ADGRL3: variants seen among roughly 807,000 people sequenced by gnomAD.
ADGRL3 encodes adhesion G protein-coupled receptor L3, also known as calcium-independent alpha-latrotoxin receptor 3.
ADGRL3 carries 62 observed loss-of-function variants against 153.5 expected under a neutral mutation model. The ratio of observed to expected loss-of-function variants is 0.40; its 90% CI spans 0.33 to 0.50. The LOEUF (loss-of-function observed/expected upper bound fraction) is 0.50, where lower values mean the gene tolerates loss of function less well. Among genes scored for constraint, ADGRL3 ranks in the 20% least tolerant of loss-of-function variants. ADGRL3 has a pLI of 0.47. For missense variants in ADGRL3, 1,641 were observed against 1,859.4 expected (o/e 0.88, Z 2.16); for synonymous variants, 710 against 672.5 (o/e 1.06, Z -0.86).
chr4:61,909,055 A>G (rs1581413674), intron 11 of ADGRL3, among the ~76,000 whole-genome samples: 2 of 152,318 alleles, frequency 1.3e-5, no homozygotes, highest in East Asian at 3.9e-4. Context: ...TTCCTTATAC[A>G]GTTAGTAAGA....
chr4:61,754,144 A>C (rs1214803973), intron 8 of ADGRL3, among the ~76,000 whole-genome samples: 1 of 152,160 alleles, frequency 6.6e-6, no homozygotes, highest in African/African-American at 2.4e-5. Context: ...GTTCCTTAAA[A>C]CTTTCTAGTC....
At chr4:61,440,535 C>T (rs963673950) in intron 2 of ADGRL3, among the ~76,000 whole-genome samples, 3 of 152,188 alleles carry the variant, frequency 2.0e-5, no homozygotes, top group Admixed American at 2.0e-4. Flanking sequence ...TCTCAGACTT[C>T]TCAGCCATGT....
intron 8 of ADGRL3, among the ~76,000 whole-genome samples, chr4:61,769,519 C>T (rs1193193709): frequency 1.1e-4 from 16 of 152,060 alleles, no homozygotes; most frequent in East Asian, 3.9e-4. Context: ...GGAGGTCCCC[C>T]GATCCGAGTC....
chr4:61,755,611 C>G (rs982380885), intron 8 of ADGRL3, among the ~76,000 whole-genome samples: 24 of 152,248 alleles, frequency 1.6e-4, no homozygotes, highest in African/African-American at 5.3e-4. Context: ...TGTGCAGAAG[C>G]TCTTTAGTTT....
In ADGRL3 at chr4:62,018,500, A is replaced by G. The variant is rs80165765; in HGVS notation, c.3396-10355A>G. Among the ~76,000 whole-genome samples the G allele has an allele frequency of 3.3e-5, 5 of 152,244 alleles. No homozygotes were observed. In the East Asian group the frequency reaches 9.7e-4, roughly 30 times the overall value. Reference sequence around the variant, plus strand: ...TGGTGATTGCAATCACTCAATTATTAATGAAAGTCTGTGCAAGACAAGACC... The same window carrying G: ...TGGTGATTGCAATCACTCAATTATTGATGAAAGTCTGTGCAAGACAAGACC... On this transcript the variant is annotated intron_variant, in intron 21 of 26. Coordinates refer to ENST00000683033, the MANE Select transcript of ADGRL3 (RefSeq NM_001387552.1).
intron 1 of ADGRL3, among the ~76,000 whole-genome samples, chr4:61,263,479 T>A (rs999039422): frequency 4.0e-5 from 6 of 149,254 alleles, no homozygotes; most frequent in African/African-American, 1.5e-4. Context: ...AAAAAGACCC[T>A]GAAAAAGTCT....
intron 2 of ADGRL3, among the ~76,000 whole-genome samples, chr4:61,491,917 C>G (rs2098262116): frequency 6.6e-6 from 1 of 152,040 alleles, no homozygotes; most frequent in South Asian, 2.1e-4. Flanking sequence ...AGTCCAAATA[C>G]TAACCCTGGA....
At chr4:61,528,793 G>T (rs374189504) in intron 4 of ADGRL3, among the ~76,000 whole-genome samples, 1 of 152,072 alleles carries the variant, frequency 6.6e-6, no homozygotes, top group South Asian at 2.1e-4. Flanking sequence ...ACTTTCTGTC[G>T]CATCAGCTAT....
chr4:61,890,331 TA>T (rs1252708146), intron 9 of ADGRL3, among the ~76,000 whole-genome samples: 6 of 152,244 alleles, frequency 3.9e-5, no homozygotes, highest in Admixed American at 3.3e-4. Context: ...ACTATTGCCT[TA>T]CTACTTCCCT....
chr4:61,283,224 C>T (rs2093794131), intron 1 of ADGRL3, among the ~76,000 whole-genome samples: 1 of 151,998 alleles, frequency 6.6e-6, no homozygotes, highest in Non-Finnish European at 1.5e-5. Flanking sequence ...AAAAGTATTC[C>T]TCTCTGTTCC....
chr4:61,624,213 G>A (rs1466510112), intron 5 of ADGRL3, among the ~76,000 whole-genome samples: 2 of 152,054 alleles, frequency 1.3e-5, no homozygotes, highest in Non-Finnish European at 2.9e-5. Flanking sequence ...AAATAAAATC[G>A]ATTTGCATTT....
chr4:61,945,559 C>A (rs1435965463), intron 15 of ADGRL3, among the ~76,000 whole-genome samples: 1 of 135,526 alleles, frequency 7.4e-6, no homozygotes, highest in Non-Finnish European at 1.6e-5. Context: ...GCAGTTTGAT[C>A]TCAGACTGCT....
chr4:61,377,133 C>T (rs2096613004), intron 1 of ADGRL3, among the ~76,000 whole-genome samples: 1 of 152,000 alleles, frequency 6.6e-6, no homozygotes, highest in African/African-American at 2.4e-5. Context: ...TTTACCTTCC[C>T]TATCATATCC....
chr4:61,629,721 C>CAAAAA (rs59504485), intron 5 of ADGRL3, among the ~76,000 whole-genome samples: 2 of 33,446 alleles, frequency 6.0e-5, no homozygotes, highest in African/African-American at 1.3e-4. Flanking sequence ...CGTCTCGGGG[C>CAAAAA]AAAAAAAAAA....
intron 5 of ADGRL3, among the ~76,000 whole-genome samples, chr4:61,647,057 C>T (rs1212930298): frequency 6.6e-6 from 1 of 152,152 alleles, no homozygotes; most frequent in Non-Finnish European, 1.5e-5. Flanking sequence ...CGTCCATCAC[C>T]CCTTTCTTTG....
chr4:61,450,481 G>T (rs1390079631), intron 2 of ADGRL3, among the ~76,000 whole-genome samples: 1 of 151,948 alleles, frequency 6.6e-6, no homozygotes, highest in East Asian at 1.9e-4. Flanking sequence ...TTTTTTCCAG[G>T]CCTGCAATCT....
At chr4:61,259,108 T>G (rs1386678624) in intron 1 of ADGRL3, among the ~76,000 whole-genome samples, 1 of 152,094 alleles carries the variant, frequency 6.6e-6, no homozygotes, top group Non-Finnish European at 1.5e-5. Context: ...CATCTTCCCA[T>G]TGTCACCATA....
At chr4:61,947,489 A>G (rs1338934906) in intron 16 of ADGRL3, among the ~76,000 whole-genome samples, 1 of 152,204 alleles carries the variant, frequency 6.6e-6, no homozygotes, top group Non-Finnish European at 1.5e-5. Flanking sequence ...CTCTTGCTGC[A>G]AAAACAAGAA....
chr4:61,350,242 T>C (rs2096013226), intron 1 of ADGRL3, among the ~76,000 whole-genome samples: 1 of 152,156 alleles, frequency 6.6e-6, no homozygotes, highest in South Asian at 2.1e-4. Context: ...ACAGTCATTA[T>C]TGTCCATTTT....
Sources: gnomAD v4.1 joint callset for allele counts (sites outside exome capture counted in the v4.1 genomes callset) on GRCh38, gnomAD v4.1.1 for gene constraint, MANE v1.5 for transcripts, NCBI Gene and HGNC (gene_info 2026-07-23, HGNC 2026-07-21) for gene names.